Variants in COMMD10 observed in about 807,000 individuals in gnomAD.
The protein encoded by COMMD10 is COMM domain-containing protein 10.
COMMD10 carries 33 observed loss-of-function variants against 28.9 expected under a neutral mutation model. The observed-to-expected ratio is 1.14, with a 90% confidence interval of 0.87 to 1.53. The LOEUF (loss-of-function observed/expected upper bound fraction) is 1.53. COMMD10 is among the 40% of genes most tolerant of loss of function. The pLI is 0.00. For missense variants in COMMD10, 310 were observed against 233.4 expected (o/e 1.33, Z -2.14); for synonymous variants, 110 against 81.7 (o/e 1.35, Z -1.87).
At chr5:116,247,701 T>G (rs1464427813) in intron 5 of COMMD10, among the ~76,000 whole-genome samples, 2 of 152,028 alleles carry the variant, frequency 1.3e-5, no homozygotes, top group African/African-American at 2.4e-5. Flanking sequence ...CTTAGCAAAT[T>G]AATGCAGGAA....
At chr5:116,257,834 A>G (rs934468231) in intron 5 of COMMD10, among the ~76,000 whole-genome samples, 3 of 151,808 alleles carry the variant, frequency 2.0e-5, no homozygotes, top group Non-Finnish European at 4.4e-5. Flanking sequence ...TAATGTGCCT[A>G]CAAGGTAAAG....
intron 4 of COMMD10, among the ~76,000 whole-genome samples, chr5:116,100,237 T>C (rs566721408): frequency 1.1e-4 from 17 of 152,302 alleles, no homozygotes; most frequent in African/African-American, 3.8e-4. Context: ...TCTCACATTC[T>C]ATAGGTTGCC....
intron 5 of COMMD10, among the ~76,000 whole-genome samples, chr5:116,147,376 CAGAT>C (rs1038727519): frequency 4.0e-5 from 6 of 151,814 alleles, no homozygotes; most frequent in African/African-American, 1.5e-4. Flanking sequence ...AAAGAAGAGA[CAGAT>C]AGGATTAATA....
intron 5 of COMMD10, among the ~76,000 whole-genome samples, chr5:116,202,606 T>A (rs1330520269): frequency 2.6e-5 from 4 of 151,996 alleles, no homozygotes; most frequent in Admixed American, 6.5e-5. Flanking sequence ...TATCTCATTG[T>A]GGTTTTGATT....
Position 116,292,557 on chromosome 5 carries a change from C to A in COMMD10, c.*68C>A. ...ATTATTTTGCATTGAAGATACATTGCCAGGTTGTGTTTTCTGAAGGATTCA... is the reference window on the plus strand; with the variant it reads ...ATTATTTTGCATTGAAGATACATTGACAGGTTGTGTTTTCTGAAGGATTCA... On this transcript the variant is annotated 3_prime_UTR_variant, in exon 7 of 7. Coordinates refer to ENST00000274458, the MANE Select transcript of COMMD10 (RefSeq NM_016144.4). 1 of 1,342,962 alleles carries A rather than the reference C, an allele frequency of 7.4e-7. No homozygotes were observed. Among genetic ancestry groups the A allele is most frequent in the Non-Finnish European group, 1.0e-6 (1 of 973,016 alleles). The allele number at this position is 1,342,962 out of a possible 1,614,324, so 83.2% of individuals were successfully genotyped here. A position where few individuals can be genotyped will look rare whatever the true frequency, so the allele number is the denominator to read the frequency against.
chr5:116,278,254 TAAAA>T (rs1178090311), intron 5 of COMMD10, among the ~76,000 whole-genome samples: 1 of 151,782 alleles, frequency 6.6e-6, no homozygotes, highest in Non-Finnish European at 1.5e-5. Context: ...TTCTCACTGT[TAAAA>T]AAGCTTCAAA....
intron 5 of COMMD10, among the ~76,000 whole-genome samples, chr5:116,203,712 G>A (rs1274513194): frequency 6.6e-6 from 1 of 151,516 alleles, no homozygotes; most frequent in Non-Finnish European, 1.5e-5. Context: ...TCACCACCAG[G>A]CCTGCCCTAA....
At chr5:116,153,354 A>G (rs1188642812) in intron 5 of COMMD10, among the ~76,000 whole-genome samples, 1 of 151,964 alleles carries the variant, frequency 6.6e-6, no homozygotes, top group Non-Finnish European at 1.5e-5. Context: ...ATATTATATA[A>G]AATTTGTGAG....
intron 5 of COMMD10, among the ~76,000 whole-genome samples, chr5:116,264,126 A>G (rs536724198): frequency 9.2e-5 from 14 of 151,768 alleles, no homozygotes; most frequent in African/African-American, 2.9e-4. Flanking sequence ...AAATCAAGTC[A>G]AACTCTTCTG....
intron 5 of COMMD10, among the ~76,000 whole-genome samples, chr5:116,150,804 C>G (rs1752499210): frequency 8.0e-6 from 1 of 124,860 alleles, no homozygotes; most frequent in Non-Finnish European, 1.8e-5. Context: ...CATCTGCAAA[C>G]AGGGACAATT....
chr5:116,198,344 C>G (rs557327075), intron 5 of COMMD10, among the ~76,000 whole-genome samples: 3 of 151,994 alleles, frequency 2.0e-5, no homozygotes, highest in Non-Finnish European at 4.4e-5. Context: ...ATGACCATAC[C>G]TTATTTATTA....
chr5:116,113,006 G>T (rs570904949), intron 4 of COMMD10, among the ~76,000 whole-genome samples: 1 of 152,106 alleles, frequency 6.6e-6, no homozygotes, highest in Non-Finnish European at 1.5e-5. Context: ...TGTAGGACTG[G>T]TCTAGTTTTC....
intron 5 of COMMD10, among the ~76,000 whole-genome samples, chr5:116,232,521 A>AG (rs1247284576): frequency 6.6e-6 from 1 of 151,866 alleles, no homozygotes; most frequent in Non-Finnish European, 1.5e-5. Flanking sequence ...GCCAACATGG[A>AG]GAAACCCCAT....
chr5:116,187,693 A>G (rs112744466), intron 5 of COMMD10, among the ~76,000 whole-genome samples: 139 of 152,284 alleles, frequency 9.1e-4, no homozygotes, highest in African/African-American at 3.2e-3. Flanking sequence ...TTGGAAATGA[A>G]TATAGTTTGT....
At chr5:116,199,046 G>T (rs1281346579) in intron 5 of COMMD10, among the ~76,000 whole-genome samples, 1 of 152,076 alleles carries the variant, frequency 6.6e-6, no homozygotes, top group African/African-American at 2.4e-5. Flanking sequence ...TGTCTTTCAT[G>T]GTGGTTGTAT....
intron 5 of COMMD10, among the ~76,000 whole-genome samples, chr5:116,215,695 A>AATATATATAT (rs58135204): frequency 3.0e-4 from 40 of 133,818 alleles, no homozygotes; most frequent in South Asian, 7.6e-4. Flanking sequence ...TAAAAAAAGA[A>AATATATATAT]ATATATATAT....
chr5:116,205,737 C>T (rs576580139), intron 5 of COMMD10, among the ~76,000 whole-genome samples: 1 of 152,164 alleles, frequency 6.6e-6, no homozygotes, highest in African/African-American at 2.4e-5. Flanking sequence ...AAGATGGCGC[C>T]TTTTAAGAAA....
At chr5:116,226,791 AGACAG>A (rs775240293) in intron 5 of COMMD10, among the ~76,000 whole-genome samples, 22 of 152,230 alleles carry the variant, frequency 1.4e-4, no homozygotes, top group Non-Finnish European at 2.6e-4. Flanking sequence ...GGCATCTGGG[AGACAG>A]GACAAAACAT....
intron 4 of COMMD10, among the ~76,000 whole-genome samples, chr5:116,125,044 C>T (rs1751577199): frequency 6.6e-6 from 1 of 152,092 alleles, no homozygotes; most frequent in African/African-American, 2.4e-5. Context: ...GAACATTTAG[C>T]CCATTTACAT....
Sources: allele counts gnomAD v4.1 joint callset (sites outside exome capture counted in the v4.1 genomes callset), GRCh38; gene constraint gnomAD v4.1.1; transcripts MANE v1.5; gene names NCBI Gene and HGNC (gene_info 2026-07-23, HGNC 2026-07-21).